Variants in MAD1L1 observed in about 807,000 individuals in gnomAD.
The protein encoded by MAD1L1 is mitotic spindle assembly checkpoint protein MAD1.
In MAD1L1, 95 loss-of-function variants were observed where a neutral mutation model predicts 96.9. The observed-to-expected ratio is 0.98, with a 90% CI of 0.83 to 1.16. The LOEUF (loss-of-function observed/expected upper bound fraction) is 1.16, where lower values mean the gene tolerates loss of function less well. Ranked by LOEUF, MAD1L1 falls within the 50% of genes most tolerant of loss-of-function variation. The pLI, the probability that MAD1L1 is intolerant of heterozygous loss-of-function variation, is 0.00. For synonymous variants in MAD1L1, 473 were observed against 396.6 expected (o/e 1.19, Z -2.29); for missense variants, 1,007 against 954.4 (o/e 1.06, Z -0.73).
Position 1,824,892 on chromosome 7 carries a change from C to T in MAD1L1, c.1999-8664G>A, listed in dbSNP as rs1247515956. 2.6e-5 allele frequency among the ~76,000 whole-genome samples: 4 copies of T among 152,014 alleles called. 1 individual carries two copies. The South Asian group carries it at 6.2e-4, about 24-fold the overall frequency. On this transcript the variant is annotated intron_variant, in intron 18 of 18. Coordinates refer to ENST00000265854, the MANE Select transcript of MAD1L1 (RefSeq NM_001013836.2). ...GCGAGCCGGGGAGAAGACTCAGCAGCGTCCGCCGAGAGTCAGCCCTGAACT... is the reference window on the plus strand; with the variant it reads ...GCGAGCCGGGGAGAAGACTCAGCAGTGTCCGCCGAGAGTCAGCCCTGAACT...
intron 17 of MAD1L1, among the ~76,000 whole-genome samples, chr7:1,906,707 C>A (rs1377540888): frequency 6.6e-6 from 1 of 152,240 alleles, no homozygotes; most frequent in Non-Finnish European, 1.5e-5. Flanking sequence ...GTCACACCTG[C>A]CCTGCACCTG....
At chr7:2,106,453 T>C (rs1203406413) in intron 11 of MAD1L1, among the ~76,000 whole-genome samples, 1 of 144,926 alleles carries the variant, frequency 6.9e-6, no homozygotes, top group Non-Finnish European at 1.5e-5. Context: ...CCTTCCCACA[T>C]GCGCTCCTGG....
chr7:1,940,927 C>CTCCCCCCGCAGGCCTCACCCTCCTCT (rs1778926786), intron 16 of MAD1L1, among the ~76,000 whole-genome samples: 4 of 54,104 alleles, frequency 7.4e-5, no homozygotes, highest in African/African-American at 1.5e-4. Flanking sequence ...CAGTGAGACC[C>CTCCCCCCGCAGGCCTCACCCTCCTCT]TCCTCCCCCA....
chr7:1,859,414 G>A (rs1302085759), intron 18 of MAD1L1, among the ~76,000 whole-genome samples: 1 of 152,224 alleles, frequency 6.6e-6, no homozygotes, highest in Non-Finnish European at 1.5e-5. Context: ...AGAGCCACAG[G>A]GATATGTGTT....
At chr7:1,942,346 G>C (rs951247897) in intron 16 of MAD1L1, among the ~76,000 whole-genome samples, 38 of 152,240 alleles carry the variant, frequency 2.5e-4, no homozygotes, top group African/African-American at 8.9e-4. Flanking sequence ...CGTGCCCCAA[G>C]GTGGCTGGGG....
chr7:2,042,011 A>C (rs1301322293), intron 12 of MAD1L1, among the ~76,000 whole-genome samples: 1 of 152,148 alleles, frequency 6.6e-6, no homozygotes, highest in Non-Finnish European at 1.5e-5. Context: ...GGACCATCCA[A>C]GAAAGACTTA....
At chr7:2,125,317 G>A (rs1232938135) in intron 11 of MAD1L1, among the ~76,000 whole-genome samples, 1 of 152,126 alleles carries the variant, frequency 6.6e-6, no homozygotes, top group Non-Finnish European at 1.5e-5. Flanking sequence ...CTGGACAGAT[G>A]CCCAGGTGGG....
rs538443191 is a variant in MAD1L1, at chr7:1,829,223, G to A, written c.1999-12995C>T. On this transcript the variant is annotated intron_variant, in intron 18 of 18. Transcript: ENST00000265854. The stretch of plus-strand genomic sequence containing the variant: ...ACCTCCAGGCACCACCCGCATCAGC[G>A]CCAGCCCTTCAGCGTGACTTACAGC... 2.2e-4 allele frequency among the ~76,000 whole-genome samples: 34 copies of A among 152,334 alleles called. No homozygotes were observed. In the East Asian group the frequency reaches 2.7e-3, roughly 12 times the overall value.
intron 17 of MAD1L1, among the ~76,000 whole-genome samples, chr7:1,925,059 C>A (rs73050136): frequency 0.034 from 5,168 of 152,122 alleles, 191 homozygotes; most frequent in Admixed American, 0.099. Flanking sequence ...AAATGGAGGA[C>A]AAACAGAAAA....
intron 11 of MAD1L1, among the ~76,000 whole-genome samples, chr7:2,093,223 G>A (rs1211172377): frequency 1.5e-5 from 2 of 137,330 alleles, no homozygotes; most frequent in African/African-American, 2.8e-5. Flanking sequence ...CCAGCCTGGG[G>A]GACACAGAGA....
In MAD1L1 at chr7:1,921,326, T is replaced by C. The variant is rs1788781767; in HGVS notation, c.1807+15361A>G. ...TGAATTTGACTAATTCTTTTTTTTT[T>C]TTTCTTTTTGGAGACAGGGTCTATC... On this transcript the variant is annotated intron_variant, in intron 17 of 18. Transcript: ENST00000265854. 2.0e-5 allele frequency among the ~76,000 whole-genome samples: 3 copies of C among 152,098 alleles called. No homozygotes were observed. In the South Asian group the frequency reaches 6.2e-4, roughly 32 times the overall value.
intron 11 of MAD1L1, among the ~76,000 whole-genome samples, chr7:2,133,771 G>A (rs1788626273): frequency 6.6e-6 from 1 of 152,224 alleles, no homozygotes; most frequent in Admixed American, 6.5e-5. Flanking sequence ...CTGTTCCGCT[G>A]TTCCAGCACC....
chr7:2,204,315 C>T (rs185004469), intron 10 of MAD1L1, among the ~76,000 whole-genome samples: 39 of 152,316 alleles, frequency 2.6e-4, no homozygotes, highest in Non-Finnish European at 5.3e-4. Context: ...TGACCGTCTG[C>T]TGTTGACAGG....
chr7:1,973,735 G>A (rs1158073612), intron 15 of MAD1L1, among the ~76,000 whole-genome samples: 3 of 152,164 alleles, frequency 2.0e-5, no homozygotes, highest in Non-Finnish European at 4.4e-5. Flanking sequence ...GGGGTCCTGG[G>A]GGTTGAAGAC....
chr7:2,151,995 C>T (rs1399531957), intron 10 of MAD1L1, among the ~76,000 whole-genome samples: 1 of 150,444 alleles, frequency 6.6e-6, no homozygotes, highest in Non-Finnish European at 1.5e-5. Flanking sequence ...TCCACATTCC[C>T]ACCGACTCTG....
In MAD1L1 at chr7:2,171,564, G is replaced by C. The variant is rs149438333; in HGVS notation, c.987-22326C>G. On this transcript the variant is annotated intron_variant, in intron 10 of 18. Transcript: ENST00000265854. ...CAAAGGACAGCAGAGAAGGACAGCA[G>C]AGAAGCCCAGCAGCTGGAGGGTGGA... Among the ~76,000 whole-genome samples, 597 of 151,548 alleles carry C rather than the reference G, an allele frequency of 3.9e-3. 9 individuals carry two copies. The highest frequency in any genetic ancestry group is 0.013 in the African/African-American group (546 of 40,958).
chr7:2,165,022 G>A (rs1463922948), intron 10 of MAD1L1, among the ~76,000 whole-genome samples: 1 of 152,134 alleles, frequency 6.6e-6, no homozygotes, highest in Non-Finnish European at 1.5e-5. Context: ...CCTGAGCACA[G>A]ATTCAACGAA....
intron 16 of MAD1L1, chr7:1,940,132 C>G (rs1383963524): frequency 1.3e-5 from 2 of 152,270 alleles, no homozygotes; most frequent in Non-Finnish European, 2.9e-5. Context: ...GCAGAGGCCG[C>G]CGCAGAGGGA....
chr7:1,842,411 C>A (rs1412442049), intron 18 of MAD1L1, among the ~76,000 whole-genome samples: 1 of 152,242 alleles, frequency 6.6e-6, no homozygotes, highest in Non-Finnish European at 1.5e-5. Flanking sequence ...GCCGTCACAG[C>A]CGGGCTTGGC....
Sources: allele counts gnomAD v4.1 joint callset (sites outside exome capture counted in the v4.1 genomes callset), GRCh38; gene constraint gnomAD v4.1.1; transcripts MANE v1.5; gene names NCBI Gene and HGNC (gene_info 2026-07-23, HGNC 2026-07-21).